HTR2B: variants seen among roughly 807,000 people sequenced by gnomAD.
The protein encoded by HTR2B is 5-HT 2B receptor.
Under a neutral mutation model 39.8 loss-of-function variants are expected in HTR2B, and 31 were observed. The ratio of observed to expected loss-of-function variants is 0.78; its 90% CI spans 0.58 to 1.05. The LOEUF is 1.05. HTR2B is among the 50% of genes least tolerant of loss of function. The pLI, the probability that HTR2B is intolerant of heterozygous loss-of-function variation, is 0.00. For synonymous variants in HTR2B, 210 were observed against 207.1 expected, an observed-to-expected ratio of 1.01 and a Z score of -0.12; for missense variants, 562 against 578.0, an observed-to-expected ratio of 0.97 and a Z score of 0.28.
At position 231,123,637 on chromosome 2, in the gene HTR2B, A is replaced by C; in HGVS notation, c.128T>G (p.Met43Arg). ...TCCCTGTTCCTCAACAATCTGTTTC[A>C]TTTCCTCTGGTATTGATTCTGTCTG... Reference protein sequence around the residue: ...GLQTESIPEEMKQIVEEQGNK... With the variant: ...GLQTESIPEERKQIVEEQGNK... The change falls in exon 2 of 4, where the codon ATG (methionine) becomes AGG (arginine). Residue 43 changes from methionine to arginine, a missense_variant. Coordinates refer to ENST00000258400, the MANE Select transcript of HTR2B (RefSeq NM_000867.5). 6.2e-7 allele frequency: 1 copy of C among 1,614,058 alleles called. No homozygotes were observed. The highest frequency in any genetic ancestry group is 1.1e-5 in the South Asian group (1 of 91,080).
At chr2:231,114,528 T>A (rs566644483) in intron 2 of HTR2B, among the ~76,000 whole-genome samples, 2 of 152,304 alleles carry the variant, frequency 1.3e-5, no homozygotes, top group South Asian at 4.1e-4. Flanking sequence ...CTTCAGATTA[T>A]CCGGAAGAAA....
intron 2 of HTR2B, among the ~76,000 whole-genome samples, chr2:231,120,509 A>G (rs1313030396): frequency 6.6e-6 from 1 of 152,238 alleles, no homozygotes; most frequent in Non-Finnish European, 1.5e-5. Flanking sequence ...GAAGTGGCAG[A>G]AAAATTGACC....
At chr2:231,118,987 A>C (rs1055994352) in intron 2 of HTR2B, among the ~76,000 whole-genome samples, 2 of 152,198 alleles carry the variant, frequency 1.3e-5, no homozygotes, top group Non-Finnish European at 2.9e-5. Context: ...GAAAAGAAAG[A>C]CATAGTTCAG....
rs189360810 is a variant in HTR2B at position 231,112,945 on chromosome 2, G to A, written c.553+784C>T. On this transcript the variant is annotated intron_variant, in intron 3 of 3. Coordinates refer to ENST00000258400, the MANE Select transcript of HTR2B (RefSeq NM_000867.5). Reference sequence around the variant, plus strand: ...TTTGGGAGGCTGGGGCAGGGGGATCGCCAGAGCTCAAGAGTTTGAGACCAG... The same window carrying A: ...TTTGGGAGGCTGGGGCAGGGGGATCACCAGAGCTCAAGAGTTTGAGACCAG... Among the ~76,000 whole-genome samples, 205 of 152,110 alleles carry A rather than the reference G, an allele frequency of 1.3e-3. 1 individual carries two copies. The highest frequency in any genetic ancestry group is 4.6e-3 in the African/African-American group (190 of 41,480).
chr2:231,120,637 C>G (rs915013174), intron 2 of HTR2B, among the ~76,000 whole-genome samples: 1 of 152,184 alleles, frequency 6.6e-6, no homozygotes, highest in Non-Finnish European at 1.5e-5. Flanking sequence ...TAAAATATCT[C>G]TCAGTATAAG....
chr2:231,123,212 CA>C (rs1318558687), intron 2 of HTR2B, among the ~76,000 whole-genome samples, 200 bp downstream of exon 2: 1 of 152,114 alleles, frequency 6.6e-6, no homozygotes, highest in East Asian at 1.9e-4. Context: ...AAATAGTTTA[CA>C]AAAAATATTT....
rs1695643204 is a variant in HTR2B, at chr2:231,123,827, T to C, written c.-63A>G. On this transcript the variant is annotated 5_prime_UTR_variant, in exon 2 of 4. Transcript: ENST00000258400. ...TGGTCAGCATGGTTAGTAGCTAAGC[T>C]GCTCATCTGTTTTTTTAAGGCATTG... The C allele has an allele frequency of 2.4e-6, 3 of 1,255,616 alleles. No individual in the cohort carries two copies. The highest frequency in any genetic ancestry group is 1.5e-5 in the African/African-American group (1 of 67,892). 77.8% of individuals were successfully genotyped at this position (1,255,616 alleles called of 1,614,324 possible).
chr2:231,118,867 G>T (rs1236358198), intron 2 of HTR2B, among the ~76,000 whole-genome samples: 2 of 152,194 alleles, frequency 1.3e-5, no homozygotes, highest in East Asian at 3.8e-4. Flanking sequence ...CTCAGTTCAT[G>T]AACTTATTGC....
chr2:231,114,820 A>G (rs935401450), intron 2 of HTR2B, among the ~76,000 whole-genome samples: 17 of 152,206 alleles, frequency 1.1e-4, no homozygotes, highest in Non-Finnish European at 2.5e-4. Flanking sequence ...AATTTAATAT[A>G]TTATGCATTA....
chr2:231,120,464 C>T (rs993972213), intron 2 of HTR2B, among the ~76,000 whole-genome samples: 1 of 152,158 alleles, frequency 6.6e-6, no homozygotes, highest in Admixed American at 6.5e-5. Context: ...AAAACTACAA[C>T]TGTAAAGATC....
rs1328583242 is a variant in HTR2B at position 231,109,150 on chromosome 2, A to T, written c.813T>A (p.Asp271Glu). The T allele has an allele frequency of 2.3e-5, 37 of 1,614,062 alleles. No homozygotes were observed. Among genetic ancestry groups the T allele is most frequent in the Non-Finnish European group, 2.9e-5 (34 of 1,180,008 alleles). Reference protein sequence around the residue: ...WLTVSTVFQRDETPCSSPEKV... With the variant: ...WLTVSTVFQREETPCSSPEKV... ...TTTCCGGTGACGAGCAAGGTGTTTC[A>T]TCCCTTTGGAAAACTGTAGACACAG... is the stretch of plus-strand genomic sequence containing the variant. Residue 271 changes from aspartate (D) to glutamate (E), a missense_variant, in exon 4 of 4, where the codon GAT becomes GAA. By Grantham distance (45) the Asp-to-Glu change is conservative. Coordinates refer to ENST00000258400, the MANE Select transcript of HTR2B (RefSeq NM_000867.5).
At chr2:231,109,822 C>T (rs1157548400) in intron 3 of HTR2B, among the ~76,000 whole-genome samples, 1 of 152,144 alleles carries the variant, frequency 6.6e-6, no homozygotes, top group African/African-American at 2.4e-5. Context: ...CTTCAGAGTA[C>T]ATTTATTCAA....
intron 3 of HTR2B, among the ~76,000 whole-genome samples, chr2:231,112,778 T>C (rs184528982): frequency 6.6e-6 from 1 of 152,330 alleles, no homozygotes. Flanking sequence ...TACAGGGCCG[T>C]AAGACGATTT....
chr2:231,123,632 G>C lies in HTR2B; in HGVS notation c.133C>G (p.Gln45Glu), dbSNP rs78484969. Residue 45 changes from glutamine (Q) to glutamate (E), a missense_variant, in exon 2 of 4, where the codon CAG becomes GAG. Transcript: ENST00000258400. ...QTESIPEEMK[Q>E]IVEEQGNKLH... Reference sequence around the variant, plus strand: ...TTATTTCCCTGTTCCTCAACAATCTGTTTCATTTCCTCTGGTATTGATTCT... The same window carrying C: ...TTATTTCCCTGTTCCTCAACAATCTCTTTCATTTCCTCTGGTATTGATTCT... 17 of 1,613,882 alleles carry C rather than the reference G, an allele frequency of 1.1e-5. No individual in the cohort carries two copies. The highest frequency in any genetic ancestry group is 4.2e-6 in the Non-Finnish European group (5 of 1,179,902).
At chr2:231,116,252 C>A (rs1559237304) in intron 2 of HTR2B, among the ~76,000 whole-genome samples, 2 of 151,982 alleles carry the variant, frequency 1.3e-5, no homozygotes, top group East Asian at 3.8e-4. Context: ...GTGGAAACTA[C>A]TAAAAATGAG....
intron 2 of HTR2B, among the ~76,000 whole-genome samples, chr2:231,120,633 ATC>A (rs1265052555): frequency 1.3e-5 from 2 of 152,240 alleles, no homozygotes; most frequent in Non-Finnish European, 2.9e-5. Context: ...TGAATAAAAT[ATC>A]TCTCAGTATA....
chr2:231,109,348 G>C lies in HTR2B; in HGVS notation c.615C>G (p.Ile205Met). ...IETDVDNPNN[I>M]TCVLTKERFG... ...AACGTTCCTTTGTCAGCACACAAGTGATATTGTTTGGGTTGTCCACATCAG... is the reference window on the plus strand; with the variant it reads ...AACGTTCCTTTGTCAGCACACAAGTCATATTGTTTGGGTTGTCCACATCAG... The change falls in exon 4 of 4, where the codon ATC becomes ATG. Residue 205 changes from isoleucine (I) to methionine (M), a missense_variant. By Grantham distance (10) the Ile-to-Met change is conservative. Coordinates refer to ENST00000258400, the MANE Select transcript of HTR2B (RefSeq NM_000867.5). 6.2e-7 allele frequency: 1 copy of C among 1,614,080 alleles called. No individual in the cohort carries two copies. The highest frequency in any genetic ancestry group is 8.5e-7 in the Non-Finnish European group (1 of 1,179,970).
rs561626873 is a variant in HTR2B at position 231,108,536 on chromosome 2, T to C, written c.1427A>G (p.Glu476Gly). ...LTENEGDKTEEQVSYV is the reference protein window; with the variant it reads ...LTENEGDKTEGQVSYV ...GTTCTGCTATACATAACTAACTTGCTCTTCAGTTTTGTCACCTTCATTTTC... is the reference window on the plus strand; with the variant it reads ...GTTCTGCTATACATAACTAACTTGCCCTTCAGTTTTGTCACCTTCATTTTC... Residue 476 changes from glutamate (E) to glycine (G), a missense_variant, in exon 4 of 4, where the codon GAG (glutamate) becomes GGG (glycine). Glu to Gly is a moderately conservative substitution (Grantham distance 98, BLOSUM62 -2). Transcript: ENST00000258400. 8 of 1,613,752 alleles carry C rather than the reference T, an allele frequency of 5.0e-6. No individual in the cohort carries two copies. The South Asian group carries it at 6.6e-5, about 13-fold the overall frequency.
rs1301918565 is a variant in HTR2B, at chr2:231,123,673, C to T, written c.92G>A (p.Trp31Ter). ...STFVHVISSN[W>*]SGLQTESIPE... ...TATTGATTCTGTCTGTAATCCAGAC[C>T]AGTTAGAAGAGATAACGTGAACAAA... The change falls in exon 2 of 4, where the codon TGG becomes TAG. Residue 31 changes from tryptophan (W) to a stop codon, truncating the protein, a stop_gained. Transcript: ENST00000258400. LOFTEE classifies it high-confidence loss of function. The T allele has an allele frequency of 5.6e-6, 9 of 1,613,846 alleles. No individual in the cohort carries two copies. The highest frequency in any genetic ancestry group is 6.8e-6 in the Non-Finnish European group (8 of 1,179,886).
Sources: allele counts gnomAD v4.1 joint callset (sites outside exome capture counted in the v4.1 genomes callset), GRCh38; gene constraint gnomAD v4.1.1; transcripts MANE v1.5; gene names NCBI Gene and HGNC (gene_info 2026-07-23, HGNC 2026-07-21).